CFAP299: variants seen among roughly 807,000 people sequenced by gnomAD.
The protein encoded by CFAP299 is cilia and flagella associated protein 299, also known as cilia- and flagella-associated protein 299.
A neutral mutation model predicts 27.0 loss-of-function variants in CFAP299; 21 were observed. The ratio of observed to expected loss-of-function variants is 0.78; its 90% CI spans 0.55 to 1.12. CFAP299 has a LOEUF of 1.12. Among genes scored for constraint, CFAP299 ranks in the 50% most tolerant of loss-of-function variants. The probability of loss-of-function intolerance (pLI) is 0.00; values close to 1 mark genes in which losing one functional copy is unlikely to be tolerated. For synonymous variants in CFAP299, 104 were observed against 98.1 expected, an observed-to-expected ratio of 1.06 and a Z score of -0.36; for missense variants, 310 against 276.6, an observed-to-expected ratio of 1.12 and a Z score of -0.86.
intron 1 of CFAP299, among the ~76,000 whole-genome samples, chr4:80,348,718 A>AT (rs1722873003): frequency 6.6e-6 from 1 of 152,210 alleles, no homozygotes; most frequent in Non-Finnish European, 1.5e-5. Flanking sequence ...AATTTCTGTG[A>AT]TTTGAGCTAC....
At chr4:80,735,193 T>C (rs1369768490) in intron 3 of CFAP299, among the ~76,000 whole-genome samples, 5 of 152,168 alleles carry the variant, frequency 3.3e-5, no homozygotes, top group Non-Finnish European at 7.4e-5. Context: ...AAGTATTTAA[T>C]TTTATTTGTG....
chr4:80,512,387 T>G (rs540194898), intron 2 of CFAP299, among the ~76,000 whole-genome samples: 1 of 152,090 alleles, frequency 6.6e-6, no homozygotes, highest in South Asian at 2.1e-4. Context: ...AAAGAAAAAT[T>G]GCACCTAACT....
chr4:80,890,025 A>G (rs1045004099), intron 4 of CFAP299, among the ~76,000 whole-genome samples: 4 of 152,168 alleles, frequency 2.6e-5, no homozygotes, highest in African/African-American at 9.7e-5. Context: ...ATCATACTGA[A>G]TGAGGTAAAA....
chr4:80,499,121 A>C (rs570143769), intron 2 of CFAP299, among the ~76,000 whole-genome samples: 2 of 152,126 alleles, frequency 1.3e-5, no homozygotes, highest in Non-Finnish European at 2.9e-5. Flanking sequence ...GGGAACAGAA[A>C]ACTTACCTAT....
intron 2 of CFAP299, among the ~76,000 whole-genome samples, chr4:80,410,596 G>A (rs942896713): frequency 5.9e-5 from 9 of 152,102 alleles, no homozygotes; most frequent in South Asian, 2.1e-4. Context: ...TTTCTTACCC[G>A]TCCATGTATA....
chr4:80,703,393 G>C (rs1721630793), intron 3 of CFAP299, among the ~76,000 whole-genome samples: 2 of 151,624 alleles, frequency 1.3e-5, no homozygotes. Context: ...CTTTTGTGCA[G>C]AATACTAGCA....
At chr4:80,680,613 A>T in intron 3 of CFAP299, among the ~76,000 whole-genome samples, 1 of 152,152 alleles carries the variant, frequency 6.6e-6, no homozygotes, top group Non-Finnish European at 1.5e-5. Flanking sequence ...ATAGAGGATG[A>T]GGAAAGACTG....
At chr4:80,542,613 C>T (rs1734055227) in intron 2 of CFAP299, among the ~76,000 whole-genome samples, 1 of 152,102 alleles carries the variant, frequency 6.6e-6, no homozygotes, top group African/African-American at 2.4e-5. Flanking sequence ...CTCACGGGAC[C>T]AGGGCAAGTC....
intron 3 of CFAP299, among the ~76,000 whole-genome samples, chr4:80,591,904 A>G (rs188210731): frequency 6.6e-6 from 1 of 152,214 alleles, no homozygotes; most frequent in South Asian, 2.1e-4. Context: ...TTTATTTTTA[A>G]CAAAGAGAGA....
intron 3 of CFAP299, among the ~76,000 whole-genome samples, chr4:80,746,238 G>A (rs17004985): frequency 0.08 from 12,123 of 151,732 alleles, 697 homozygotes; most frequent in East Asian, 0.21. Context: ...AGAGAGTGTC[G>A]AAAGGATTTA....
intron 2 of CFAP299, among the ~76,000 whole-genome samples, chr4:80,489,925 T>A (rs1731028830): frequency 8.3e-6 from 1 of 121,164 alleles, no homozygotes; most frequent in Non-Finnish European, 1.6e-5. Context: ...AGAAACAAGG[T>A]GATTTATTAG....
At chr4:80,788,326 G>T (rs1490022562) in intron 3 of CFAP299, among the ~76,000 whole-genome samples, 1 of 151,966 alleles carries the variant, frequency 6.6e-6, no homozygotes, top group African/African-American at 2.4e-5. Flanking sequence ...AAGCTTGGGA[G>T]TTAAGCAGAA....
chr4:80,333,811 A>G (rs1157713192), upstream of CFAP299, among the ~76,000 whole-genome samples: 1 of 152,242 alleles, frequency 6.6e-6, no homozygotes, highest in Non-Finnish European at 1.5e-5. Flanking sequence ...GTAGGAATGC[A>G]TGTTATCCAA....
At chr4:80,881,224 G>A (rs1733688501) in intron 4 of CFAP299, among the ~76,000 whole-genome samples, 1 of 152,174 alleles carries the variant, frequency 6.6e-6, no homozygotes, top group African/African-American at 2.4e-5. Flanking sequence ...CAAGGAAAGG[G>A]GAGGGCAGCC....
At position 80,343,541 on chromosome 4, in the gene CFAP299, G is replaced by A. The variant is rs1722567953; in HGVS notation, c.111+7662G>A. ...ATGGTGGCTCACGCCTGTAATCCCA[G>A]CACTTTGGGAGGCCGAGGCGGGTGG... On this transcript the variant is annotated intron_variant, in intron 1 of 5. Transcript: ENST00000358105. Among the ~76,000 whole-genome samples the A allele has an allele frequency of 2.6e-5, 4 of 152,192 alleles. No homozygotes were observed. In the South Asian group the frequency reaches 8.3e-4, roughly 31 times the overall value.
chr4:80,749,121 G>T (rs1176558371), intron 3 of CFAP299, among the ~76,000 whole-genome samples: 1 of 152,110 alleles, frequency 6.6e-6, no homozygotes, highest in Non-Finnish European at 1.5e-5. Context: ...AAGAGAAAGA[G>T]AATATTCACC....
At chr4:80,648,727 A>G (rs917866952) in intron 3 of CFAP299, among the ~76,000 whole-genome samples, 5 of 152,176 alleles carry the variant, frequency 3.3e-5, no homozygotes, top group African/African-American at 9.7e-5. Flanking sequence ...CATTTTGAAT[A>G]TCTTTCACAA....
At chr4:80,426,527 G>C (rs928634775) in intron 2 of CFAP299, among the ~76,000 whole-genome samples, 17 of 152,150 alleles carry the variant, frequency 1.1e-4, no homozygotes, top group South Asian at 2.1e-4. Context: ...GCTGGTTTGA[G>C]GTTTTCCAAA....
intron 2 of CFAP299, among the ~76,000 whole-genome samples, chr4:80,556,755 T>C (rs1238153460): frequency 2.0e-5 from 3 of 151,908 alleles, no homozygotes; most frequent in Non-Finnish European, 4.4e-5. Context: ...TACTATAAAA[T>C]TGTCATTCAA....
Sources: gnomAD v4.1 joint callset for allele counts (sites outside exome capture counted in the v4.1 genomes callset) on GRCh38, gnomAD v4.1.1 for gene constraint, MANE v1.5 for transcripts, NCBI Gene and HGNC (gene_info 2026-07-23, HGNC 2026-07-21) for gene names.